PDE1A: variants seen among roughly 807,000 people sequenced by gnomAD.
PDE1A encodes the protein phosphodiesterase 1A, also known as dual specificity calcium/calmodulin-dependent 3',5'-cyclic nucleotide phosphodiesterase 1A.
In PDE1A, 35 loss-of-function variants were observed where a neutral mutation model predicts 61.7. The observed-to-expected ratio is 0.57, with a 90% CI of 0.43 to 0.75. The LOEUF (loss-of-function observed/expected upper bound fraction) is 0.75. PDE1A is among the 30% of genes least tolerant of loss of function. PDE1A has a pLI of 0.00. For missense variants in PDE1A, 597 were observed against 630.6 expected (o/e 0.95, Z 0.57); for synonymous variants, 232 against 213.2 (o/e 1.09, Z -0.77).
chr2:182,604,538 T>C, the PDE1A span, among the ~76,000 whole-genome samples: 1 of 152,180 alleles, frequency 6.6e-6, no homozygotes, highest in East Asian at 1.9e-4. Flanking sequence ...TCCAAGGATA[T>C]GGAGAATACA....
At chr2:182,385,900 C>G (rs950167957) in intron 1 of PDE1A, among the ~76,000 whole-genome samples, 13 of 151,816 alleles carry the variant, frequency 8.6e-5, no homozygotes, top group African/African-American at 1.5e-4. Flanking sequence ...CGGTCTCCCT[C>G]TGATGCCCGG....
chr2:182,546,094 C>A, the PDE1A span, among the ~76,000 whole-genome samples: 1 of 152,154 alleles, frequency 6.6e-6, no homozygotes, highest in African/African-American at 2.4e-5. Context: ...GGTCTTTCAA[C>A]CAAAAGTGTC....
chr2:182,372,460 T>C (rs1173308916), intron 1 of PDE1A, among the ~76,000 whole-genome samples: 1 of 152,184 alleles, frequency 6.6e-6, no homozygotes, highest in Non-Finnish European at 1.5e-5. Context: ...AGAAAAACTT[T>C]GAACATGTCA....
intron 1 of PDE1A, among the ~76,000 whole-genome samples, chr2:182,387,686 G>A (rs1229774450): frequency 1.3e-5 from 2 of 152,000 alleles, no homozygotes; most frequent in Non-Finnish European, 2.9e-5. Flanking sequence ...GAACCTGGGA[G>A]GTGGAGGTTG....
chr2:182,316,826 G>A (rs1370890871), intron 1 of PDE1A, among the ~76,000 whole-genome samples: 1 of 152,108 alleles, frequency 6.6e-6, no homozygotes, highest in Non-Finnish European at 1.5e-5. Context: ...TAAAAACATG[G>A]ACATTTGTCT....
intron 2 of PDE1A, among the ~76,000 whole-genome samples, chr2:182,469,013 T>C (rs59621677): frequency 6.6e-6 from 1 of 152,086 alleles, no homozygotes; most frequent in East Asian, 1.9e-4. Context: ...GTTGCATTTC[T>C]AGAATAGAGG....
At chr2:182,488,834 T>G (rs980674676) in intron 2 of PDE1A, among the ~76,000 whole-genome samples, 3 of 152,194 alleles carry the variant, frequency 2.0e-5, no homozygotes, top group Non-Finnish European at 4.4e-5. Context: ...AATGTATAGA[T>G]GCTATTTGTC....
At chr2:182,241,736 G>C (rs1479730753) in intron 2 of PDE1A, 1 of 890,692 alleles carries the variant, frequency 1.1e-6, no homozygotes, top group African/African-American at 1.7e-5. Context: ...GAGTCACAAA[G>C]ATACGTGTAT....
intron 13 of PDE1A, among the ~76,000 whole-genome samples, chr2:182,149,533 C>A (rs369820735): frequency 8.5e-5 from 13 of 152,274 alleles, no homozygotes; most frequent in African/African-American, 3.1e-4. Context: ...AGTAGACACG[C>A]AATTGCCAAG....
the PDE1A span, among the ~76,000 whole-genome samples, chr2:182,650,930 G>T: frequency 6.6e-6 from 1 of 152,118 alleles, no homozygotes; most frequent in African/African-American, 2.4e-5. Context: ...CATTTAAAAA[G>T]GCTTCTTGAA....
intron 3 of PDE1A, among the ~76,000 whole-genome samples, chr2:182,235,852 T>C (rs140920680): frequency 2.3e-4 from 35 of 152,344 alleles, no homozygotes; most frequent in African/African-American, 7.0e-4. Flanking sequence ...AAAACCGCTA[T>C]AGAAGATACT....
At chr2:182,656,403 A>G in the PDE1A span, among the ~76,000 whole-genome samples, 2 of 152,246 alleles carry the variant, frequency 1.3e-5, no homozygotes, top group East Asian at 1.9e-4. Flanking sequence ...GCTATAATGC[A>G]CATTCTATGA....
intron 13 of PDE1A, among the ~76,000 whole-genome samples, chr2:182,182,101 C>T (rs1033005418): frequency 6.6e-6 from 1 of 152,152 alleles, no homozygotes; most frequent in South Asian, 2.1e-4. Flanking sequence ...ACAAAAGTCT[C>T]TCTGGGGTAA....
At chr2:182,225,905 G>C (rs1689103755) in intron 6 of PDE1A, among the ~76,000 whole-genome samples, 1 of 149,826 alleles carries the variant, frequency 6.7e-6, no homozygotes, top group African/African-American at 2.5e-5. Context: ...ATAACTAGCT[G>C]TTCTGTGTTC....
At chr2:182,165,641 C>G (rs1393218788), downstream of PDE1A, among the ~76,000 whole-genome samples, 3 of 152,104 alleles carry the variant, frequency 2.0e-5, no homozygotes, top group African/African-American at 7.2e-5. Context: ...GTTTGGGTCA[C>G]CTTGCCAGGC....
chr2:182,412,645 T>C (rs1024701396), intron 1 of PDE1A, among the ~76,000 whole-genome samples: 1 of 152,212 alleles, frequency 6.6e-6, no homozygotes, highest in Non-Finnish European at 1.5e-5. Flanking sequence ...GTTCTAGTCC[T>C]GACTCTACCA....
intron 1 of PDE1A, among the ~76,000 whole-genome samples, chr2:182,313,891 C>T (rs901470947): frequency 2.0e-5 from 3 of 152,100 alleles, no homozygotes; most frequent in Non-Finnish European, 4.4e-5. Flanking sequence ...CTGGGAATAC[C>T]TAGTGCTGGC....
In PDE1A at chr2:182,423,947, C is replaced by CCTTT. The variant is rs1053160962; in HGVS notation, c.53+2630_53+2631insAAAG. Among the ~76,000 whole-genome samples, 1,316 of 134,268 alleles carry CCTTT rather than the reference C, an allele frequency of 9.8e-3. 24 individuals are homozygous for CCTTT. Among genetic ancestry groups the CCTTT allele is most frequent in the African/African-American group, 0.035 (1,240 of 35,604 alleles). 88.1% of individuals were successfully genotyped at this position (134,268 alleles called of 152,430 possible). A position where few individuals can be genotyped will look rare whatever the true frequency, so the allele number is the denominator to read the frequency against. The stretch of plus-strand genomic sequence containing the variant: ...TCAAAAAAAAAAATCCTGGATTAAC[C>CCTTT]TTTTTTTTTTTTTTTTTGATGGGGT... On this transcript the variant is annotated intron_variant, in intron 1 of 13. Transcript: ENST00000351439.
the PDE1A span, among the ~76,000 whole-genome samples, chr2:182,690,738 T>C: frequency 6.6e-6 from 1 of 152,320 alleles, no homozygotes; most frequent in East Asian, 1.9e-4. Flanking sequence ...GGAAGTCAAA[T>C]TGTCCCTGTC....
Sources: gnomAD v4.1 joint callset for allele counts (sites outside exome capture counted in the v4.1 genomes callset) on GRCh38, gnomAD v4.1.1 for gene constraint, MANE v1.5 for transcripts, NCBI Gene and HGNC (gene_info 2026-07-23, HGNC 2026-07-21) for gene names.